The following ABCB10 variants were observed in gnomAD, a reference collection of about 807,000 sequenced individuals.
ABCB10 encodes ATP binding cassette subfamily B member 10.
ABCB10 carries 54 observed loss-of-function variants against 65.4 expected under a neutral mutation model. That is an observed-to-expected ratio of 0.83 (90% CI 0.66 to 1.04). The LOEUF (loss-of-function observed/expected upper bound fraction) is 1.04, where lower values mean the gene tolerates loss of function less well. Ranked by LOEUF, ABCB10 falls within the 50% of genes least tolerant of loss-of-function variation. The probability of loss-of-function intolerance (pLI) is 0.00; values close to 1 mark genes in which losing one functional copy is unlikely to be tolerated. For synonymous variants in ABCB10, 418 were observed against 406.5 expected, an observed-to-expected ratio of 1.03 and a Z score of -0.34; for missense variants, 846 against 976.6, an observed-to-expected ratio of 0.87 and a Z score of 1.78.
chr1:229,547,545 T>A lies in ABCB10; in HGVS notation c.875A>T (p.Asp292Val). ...LGRSVTENLS[D>V]GLRAGAQASV... ...AGCCTGGGCCCCGGCCCTGAGCCCA[T>A]CTGAGAGGTTTTCAGTCACTGAGCG... Residue 292 changes from aspartate (D) to valine (V), a missense_variant, in exon 3 of 13, where the codon GAT becomes GTT. Transcript: ENST00000344517. 6.2e-7 allele frequency: 1 copy of A among 1,613,848 alleles called. No homozygotes were observed. Among genetic ancestry groups the A allele is most frequent in the Non-Finnish European group, 8.5e-7 (1 of 1,179,888 alleles).
chr1:229,550,525 C>CAAAAAAA (rs60323914), intron 1 of ABCB10, among the ~76,000 whole-genome samples: 43 of 63,534 alleles, frequency 6.8e-4, no homozygotes, highest in African/African-American at 3.1e-3. Context: ...ATGCTGTCTC[C>CAAAAAAA]AAAAAAAAAA....
chr1:229,551,172 C>T (rs10916513), intron 1 of ABCB10, among the ~76,000 whole-genome samples: 47 of 152,184 alleles, frequency 3.1e-4, no homozygotes, highest in Non-Finnish European at 5.3e-4. Context: ...CTAGGAAAAA[C>T]ATGGGCCTTT....
At position 229,538,154 on chromosome 1, in the gene ABCB10, G is replaced by C. The variant is rs558089155; in HGVS notation, c.1339+1302C>G. Among the ~76,000 whole-genome samples, 6 of 152,308 alleles carry C rather than the reference G, an allele frequency of 3.9e-5. No individual in the cohort carries two copies. In the South Asian group the frequency reaches 6.2e-4, roughly 16 times the overall value. ...AGTGGTGGTAACTGACTATAGCAAT[G>C]GATTAGAACTGTGTTTTCCAACCCA... On this transcript the variant is annotated intron_variant, in intron 6 of 12. Coordinates refer to ENST00000344517, the MANE Select transcript of ABCB10 (RefSeq NM_012089.3).
In ABCB10 at chr1:229,527,290, C is replaced by T; in HGVS notation, c.1664G>A (p.Gly555Asp). Residue 555 changes from glycine to aspartate, a missense_variant, in exon 9 of 13, where the codon GGC (glycine) becomes GAC (aspartate). By Grantham distance (94) the Gly-to-Asp change is moderately conservative. This residue lies in a region of ABCB10 where 632 missense variants were observed against 803.2 expected (regional missense o/e 0.79). Transcript: ENST00000344517. ...DPASGTISLDGHDIRQLNPVW... is the reference protein window; with the variant it reads ...DPASGTISLDDHDIRQLNPVW... ...TGGGTTTAGCTGACGGATGTCATGG[C>T]CATCAAGACTAATAGTTCCTTGTTG... The T allele has an allele frequency of 6.2e-7, 1 of 1,608,830 alleles. No individual in the cohort carries two copies. Among genetic ancestry groups the T allele is most frequent in the Non-Finnish European group, 8.5e-7 (1 of 1,178,942 alleles).
intron 1 of ABCB10, among the ~76,000 whole-genome samples, chr1:229,552,840 A>G (rs1459196290): frequency 1.3e-5 from 2 of 152,140 alleles, no homozygotes; most frequent in Non-Finnish European, 2.9e-5. Flanking sequence ...GAGCCTACGC[A>G]AGGTCTCCCA....
intron 2 of ABCB10, among the ~76,000 whole-genome samples, chr1:229,547,902 A>G (rs1663008009): frequency 6.6e-6 from 1 of 152,168 alleles, no homozygotes; most frequent in Admixed American, 6.5e-5. Context: ...ATGCACTACT[A>G]ACACTACTTT....
intron 11 of ABCB10, 128 bp downstream of exon 11, chr1:229,521,464 C>CCACTCCAA: frequency 1.9e-6 from 2 of 1,042,584 alleles, no homozygotes. Context: ...TGTCACCCTC[C>CCACTCCAA]CACTCCAAGA....
chr1:229,549,436 T>C lies in ABCB10; in HGVS notation c.518-2A>G. The C allele has an allele frequency of 6.2e-7, 1 of 1,612,706 alleles. No individual in the cohort carries two copies. The highest frequency in any genetic ancestry group is 8.5e-7 in the Non-Finnish European group (1 of 1,179,284). ...ACATCGTGAGAAATCCAACCGCAGCTAGAAAACACAAGCACTCTCAATGTT... is the reference window on the plus strand; with the variant it reads ...ACATCGTGAGAAATCCAACCGCAGCCAGAAAACACAAGCACTCTCAATGTT... On this transcript the variant is annotated splice_acceptor_variant, in intron 1 of 12. Coordinates refer to ENST00000344517, the MANE Select transcript of ABCB10 (RefSeq NM_012089.3). LOFTEE classifies it high-confidence loss of function.
intron 2 of ABCB10, among the ~76,000 whole-genome samples, chr1:229,548,126 T>G (rs917232980): frequency 2.0e-5 from 3 of 151,808 alleles, no homozygotes; most frequent in Non-Finnish European, 4.4e-5. Flanking sequence ...CTCAGCCTCC[T>G]GGGTAGCTGA....
chr1:229,535,744 G>A (rs1051989695), intron 6 of ABCB10, among the ~76,000 whole-genome samples: 1 of 106,412 alleles, frequency 9.4e-6, no homozygotes, highest in Non-Finnish European at 2.1e-5. Flanking sequence ...TTTTTTTTTT[G>A]AGACAGAGTC....
At chr1:229,520,199 A>G (rs907691211) in intron 11 of ABCB10, among the ~76,000 whole-genome samples, 3 of 152,052 alleles carry the variant, frequency 2.0e-5, no homozygotes, top group Admixed American at 6.6e-5. Context: ...TCCTGCTTAT[A>G]GTTAATTTAG....
chr1:229,547,107 C>T (rs16849954), intron 3 of ABCB10, among the ~76,000 whole-genome samples: 6,664 of 152,080 alleles, frequency 0.044, 406 homozygotes, highest in African/African-American at 0.14. Flanking sequence ...GAGTGAAGAG[C>T]TCTCCCCTTA....
intron 3 of ABCB10, 127 bp from the exon 4 acceptor site, chr1:229,542,498 G>T: frequency 8.6e-7 from 1 of 1,169,466 alleles, no homozygotes; most frequent in Non-Finnish European, 1.2e-6. Flanking sequence ...TTAACAGCAG[G>T]CTTGAAGGTA....
At chr1:229,557,919 G>A (rs4148758) in intron 1 of ABCB10, among the ~76,000 whole-genome samples, 28,990 of 152,182 alleles carry the variant, frequency 0.19, 2,963 homozygotes, top group Middle Eastern at 0.27. Context: ...AAGAAAACAA[G>A]TGTAAAATCT....
intron 6 of ABCB10, among the ~76,000 whole-genome samples, chr1:229,536,550 A>G (rs1281138425): frequency 6.6e-6 from 1 of 152,190 alleles, no homozygotes; most frequent in Non-Finnish European, 1.5e-5. Context: ...AAGAGTCAAA[A>G]GTAGTTTAAC....
At chr1:229,520,103 C>T (rs1662268470) in intron 11 of ABCB10, among the ~76,000 whole-genome samples, 1 of 151,978 alleles carries the variant, frequency 6.6e-6, no homozygotes, top group Admixed American at 6.6e-5. Context: ...CCACTGCACT[C>T]CAGCCTGGGT....
At chr1:229,521,681 T>A (rs753468956) in intron 10 of ABCB10, 46 bp from the exon 11 acceptor site, 22 of 1,602,058 alleles carry the variant, frequency 1.4e-5, no homozygotes, top group Non-Finnish European at 1.8e-5. Context: ...ACAAAAAATC[T>A]TAGTAATAGG....
Position 229,519,131 on chromosome 1 carries a change from T to C in ABCB10, c.1951-256A>G, listed in dbSNP as rs139213335. 4.6e-3 allele frequency: 1,570 copies of C among 341,818 alleles called. 6 individuals carry two copies. Among genetic ancestry groups the C allele is most frequent in the Middle Eastern group, 0.019 (22 of 1,184 alleles). The allele number at this position is 341,818 out of a possible 1,614,324, so 21.2% of individuals were successfully genotyped here. On this transcript the variant is annotated intron_variant, in intron 11 of 12. Transcript: ENST00000344517. ...CAATGCAGGAAATAAGGAAGGGGAG[T>C]TGCATGGCTGCTAAAGAGTAGAGGG...
chr1:229,535,528 C>T (rs1662698888), intron 6 of ABCB10, among the ~76,000 whole-genome samples: 1 of 152,124 alleles, frequency 6.6e-6, no homozygotes, highest in Admixed American at 6.5e-5. Context: ...AAGGCATAAC[C>T]ATGGAAACAG....
Sources: gnomAD v4.1 joint callset for allele counts (sites outside exome capture counted in the v4.1 genomes callset) on GRCh38, gnomAD v4.1.1 for gene constraint, gnomAD v4.1.1 regional missense constraint, MANE v1.5 for transcripts, NCBI Gene and HGNC (gene_info 2026-07-23, HGNC 2026-07-21) for gene names.